Variants in SFMBT1 observed in about 807,000 individuals in gnomAD.
The protein encoded by SFMBT1 is scm-like with four MBT domains protein 1.
A neutral mutation model predicts 108.7 loss-of-function variants in SFMBT1; 32 were observed. The observed-to-expected ratio is 0.29, with a 90% confidence interval of 0.22 to 0.40. The LOEUF (loss-of-function observed/expected upper bound fraction) is 0.40, where lower values mean the gene tolerates loss of function less well. Ranked by LOEUF, SFMBT1 falls within the 10% of genes least tolerant of loss-of-function variation. The pLI, the probability that SFMBT1 is intolerant of heterozygous loss-of-function variation, is 1.00. For missense variants in SFMBT1, 816 were observed against 1,059.6 expected, an observed-to-expected ratio of 0.77 and a Z score of 3.19; for synonymous variants, 348 against 369.5, an observed-to-expected ratio of 0.94 and a Z score of 0.67.
At chr3:53,024,758 C>T (rs1174617834) in intron 1 of SFMBT1, among the ~76,000 whole-genome samples, 1 of 152,174 alleles carries the variant, frequency 6.6e-6, no homozygotes, top group Non-Finnish European at 1.5e-5. Context: ...GCCGGTCCAA[C>T]AATCTCGCTG....
At chr3:53,018,159 G>A (rs2106938530) in intron 1 of SFMBT1, 1 of 152,330 alleles carries the variant, frequency 6.6e-6, no homozygotes, top group South Asian at 2.1e-4. Flanking sequence ...TGAACCAGGG[G>A]AGGTGGAGGT....
At position 52,933,987 on chromosome 3, in the gene SFMBT1, G is replaced by T. The variant is rs141849357; in HGVS notation, c.453+826C>A. ...ATATTTTGAAATGCATGTATATTTTGAATGCATAATACATTCAACTCAATA... is the reference window on the plus strand; with the variant it reads ...ATATTTTGAAATGCATGTATATTTTTAATGCATAATACATTCAACTCAATA... On this transcript the variant is annotated intron_variant, in intron 5 of 20. Transcript: ENST00000394752. 1.3e-3 allele frequency among the ~76,000 whole-genome samples: 197 copies of T among 152,188 alleles called. 6 individuals are homozygous for T. The East Asian group carries it at 0.034, about 26-fold the overall frequency.
At chr3:53,028,706 G>T (rs1437281821) in intron 1 of SFMBT1, among the ~76,000 whole-genome samples, 4 of 152,086 alleles carry the variant, frequency 2.6e-5, no homozygotes, top group Non-Finnish European at 5.9e-5. Flanking sequence ...TTACCTGCTA[G>T]AACACAGAAT....
chr3:52,998,279 C>G (rs1331653070), intron 1 of SFMBT1, among the ~76,000 whole-genome samples: 1 of 150,032 alleles, frequency 6.7e-6, no homozygotes, highest in Non-Finnish European at 1.5e-5. Flanking sequence ...GTAGTCCCAG[C>G]TACTCCGGAG....
At chr3:52,922,514 AACAAC>A (rs1229891812) in intron 10 of SFMBT1, among the ~76,000 whole-genome samples, 1 of 152,226 alleles carries the variant, frequency 6.6e-6, no homozygotes, top group Non-Finnish European at 1.5e-5. Context: ...CAGGAAAGGA[AACAAC>A]ATTTTATAAG....
chr3:52,976,307 A>T (rs925865375), intron 1 of SFMBT1, among the ~76,000 whole-genome samples: 42 of 152,334 alleles, frequency 2.8e-4, no homozygotes, highest in African/African-American at 9.6e-4. Flanking sequence ...TCAATAAAGT[A>T]AAATAAAGTT....
At position 53,045,829 on chromosome 3, in the gene SFMBT1, T is replaced by G. The variant is rs1307061495; in HGVS notation, c.-144A>C. On this transcript the variant is annotated 5_prime_UTR_variant, in exon 1 of 21. Coordinates refer to ENST00000394752, the MANE Select transcript of SFMBT1 (RefSeq NM_016329.4). ...CCGCTTTTTTACCTGCCCGGAGTTT[T>G]CGCGCGCGCGCTCGCTCGATCGCTC... 6.7e-6 allele frequency: 1 copy of G among 149,106 alleles called. No individual in the cohort carries two copies. Among genetic ancestry groups the G allele is most frequent in the Non-Finnish European group, 1.5e-5 (1 of 67,140 alleles). The allele number at this position is 149,106 out of a possible 1,614,324, so 9.2% of individuals were successfully genotyped here. A position where few individuals can be genotyped will look rare whatever the true frequency, so the allele number is the denominator to read the frequency against.
chr3:53,022,022 C>T (rs575349561), intron 1 of SFMBT1, among the ~76,000 whole-genome samples: 5 of 152,234 alleles, frequency 3.3e-5, no homozygotes, highest in Admixed American at 1.3e-4. Flanking sequence ...GATTCCTCAC[C>T]GCTCTCTAGA....
At chr3:52,994,535 T>C (rs183238103) in intron 1 of SFMBT1, among the ~76,000 whole-genome samples, 1 of 150,492 alleles carries the variant, frequency 6.6e-6, no homozygotes, top group African/African-American at 2.4e-5. Flanking sequence ...AGTCTCGCTC[T>C]GTGGCCCAGG....
At chr3:52,948,440 A>G (rs1011214011) in intron 3 of SFMBT1, among the ~76,000 whole-genome samples, 48 of 152,178 alleles carry the variant, frequency 3.2e-4, no homozygotes, top group African/African-American at 1.1e-3. Context: ...TCAGCTTGTC[A>G]ATTTCTACCT....
chr3:52,940,586 T>C (rs1051569570), intron 4 of SFMBT1, among the ~76,000 whole-genome samples: 2 of 152,222 alleles, frequency 1.3e-5, no homozygotes, highest in Non-Finnish European at 2.9e-5. Context: ...GCTCTTTCTA[T>C]AGTATAGTAG....
intron 3 of SFMBT1, among the ~76,000 whole-genome samples, chr3:52,949,989 T>A (rs1703516792): frequency 6.6e-6 from 1 of 152,210 alleles, no homozygotes; most frequent in Admixed American, 6.5e-5. Flanking sequence ...TGTCTCTTTA[T>A]ATTTAAAGTG....
At chr3:52,915,739 T>TC (rs1250923702) in intron 14 of SFMBT1, among the ~76,000 whole-genome samples, 1 of 152,226 alleles carries the variant, frequency 6.6e-6, no homozygotes, top group East Asian at 1.9e-4. Context: ...TTTATTTTTT[T>TC]CACATAAACT....
chr3:53,015,268 C>A (rs1699087671), intron 1 of SFMBT1, among the ~76,000 whole-genome samples: 1 of 139,922 alleles, frequency 7.1e-6, no homozygotes. Context: ...ATTAAAGCTA[C>A]AAGAATGGTT....
intron 17 of SFMBT1, 93 bp from the exon 18 acceptor site, chr3:52,907,826 G>A: frequency 1.7e-6 from 2 of 1,178,784 alleles, no homozygotes; most frequent in Non-Finnish European, 2.4e-6. Flanking sequence ...CAAAAAACAG[G>A]TACATTGTAT....
At chr3:52,920,412 A>G (rs1354833560) in intron 12 of SFMBT1, 125 bp downstream of exon 12, 4 of 729,456 alleles carry the variant, frequency 5.5e-6, no homozygotes, top group African/African-American at 1.8e-5. Flanking sequence ...ATAATTTCCT[A>G]TGCAGGAACA....
intron 4 of SFMBT1, 49 bp downstream of exon 4, chr3:52,943,304 T>C (rs772144372): frequency 7.4e-6 from 12 of 1,611,780 alleles, no homozygotes; most frequent in Non-Finnish European, 1.0e-5. Context: ...CAATCCAAAT[T>C]TTCTTACAGT....
intron 1 of SFMBT1, among the ~76,000 whole-genome samples, chr3:52,989,899 C>A (rs1249591923): frequency 2.0e-5 from 3 of 152,222 alleles, no homozygotes; most frequent in Middle Eastern, 3.4e-3. Context: ...TCCAAACAGG[C>A]CGACAAGAAT....
intron 1 of SFMBT1, among the ~76,000 whole-genome samples, chr3:53,027,493 T>C (rs1699533954): frequency 6.6e-6 from 1 of 152,224 alleles, no homozygotes; most frequent in Non-Finnish European, 1.5e-5. Flanking sequence ...TACTATGGTA[T>C]CAGATCATGG....
Sources: gnomAD v4.1 joint callset for allele counts (sites outside exome capture counted in the v4.1 genomes callset) on GRCh38, gnomAD v4.1.1 for gene constraint, MANE v1.5 for transcripts, NCBI Gene and HGNC (gene_info 2026-07-23, HGNC 2026-07-21) for gene names.